Variants in KCNIP1 observed in about 807,000 individuals in gnomAD.
The protein encoded by KCNIP1 is potassium voltage-gated channel interacting protein 1, also known as A-type potassium channel modulatory protein KCNIP1.
In KCNIP1, 18 loss-of-function variants were observed where a neutral mutation model predicts 33.0. The observed-to-expected ratio is 0.55, with a 90% CI of 0.38 to 0.81. The LOEUF is 0.81. KCNIP1 is among the 30% of genes least tolerant of loss of function. The pLI, the probability that KCNIP1 is intolerant of heterozygous loss-of-function variation, is 0.00. For synonymous variants in KCNIP1, 93 were observed against 98.3 expected (o/e 0.95, Z 0.32); for missense variants, 238 against 271.6 (o/e 0.88, Z 0.87).
intron 1 of KCNIP1, among the ~76,000 whole-genome samples, chr5:170,471,244 T>C (rs1421797341): frequency 6.6e-6 from 1 of 152,194 alleles, no homozygotes; most frequent in African/African-American, 2.4e-5. Flanking sequence ...CTCTAGAATC[T>C]GTATGGGGTG....
At chr5:170,639,917 G>A (rs1187786194) in intron 1 of KCNIP1, among the ~76,000 whole-genome samples, 1 of 152,234 alleles carries the variant, frequency 6.6e-6, no homozygotes. Flanking sequence ...AAAAAGTGGT[G>A]CCTAAAGGGC....
At chr5:170,558,583 T>C (rs1756921262) in intron 1 of KCNIP1, among the ~76,000 whole-genome samples, 1 of 152,188 alleles carries the variant, frequency 6.6e-6, no homozygotes, top group Non-Finnish European at 1.5e-5. Flanking sequence ...CTGGGCTCTC[T>C]GGAAGCTGCA....
At chr5:170,450,454 G>A (rs1756222461) in intron 1 of KCNIP1, among the ~76,000 whole-genome samples, 1 of 152,166 alleles carries the variant, frequency 6.6e-6, no homozygotes, top group Non-Finnish European at 1.5e-5. Flanking sequence ...CTCTGTAGGT[G>A]TATCCTGAAA....
In KCNIP1 at chr5:170,672,715, C is replaced by T. The variant is rs139979454; in HGVS notation, c.62-46043C>T. 2.6e-4 allele frequency among the ~76,000 whole-genome samples: 40 copies of T among 152,274 alleles called. No homozygotes were observed. In the East Asian group the frequency reaches 7.0e-3, roughly 26 times the overall value. ...CTAATGGCAAATGCCTCATTGCCAGCCTCTGAAGACAAATGTCTTCCCAGG... is the reference window on the plus strand; with the variant it reads ...CTAATGGCAAATGCCTCATTGCCAGTCTCTGAAGACAAATGTCTTCCCAGG... On this transcript the variant is annotated intron_variant, in intron 1 of 7. Coordinates refer to ENST00000328939, the MANE Select transcript of KCNIP1 (RefSeq NM_014592.4).
intron 1 of KCNIP1, among the ~76,000 whole-genome samples, chr5:170,506,970 G>C (rs973294399): frequency 1.3e-5 from 2 of 152,250 alleles, no homozygotes; most frequent in African/African-American, 4.8e-5. Flanking sequence ...CCCTGGCTGA[G>C]GAGGCTAGTG....
chr5:170,685,727 G>A (rs1762516314), intron 1 of KCNIP1, among the ~76,000 whole-genome samples: 1 of 152,062 alleles, frequency 6.6e-6, no homozygotes, highest in Non-Finnish European at 1.5e-5. Context: ...GACCTCAGGT[G>A]ATCCACCCAC....
intron 1 of KCNIP1, among the ~76,000 whole-genome samples, chr5:170,695,631 T>A (rs906304616): frequency 5.3e-5 from 8 of 152,252 alleles, no homozygotes; most frequent in African/African-American, 1.9e-4. Flanking sequence ...TGGGTAAACT[T>A]CTGCTTTGAG....
chr5:170,702,061 A>T (rs1385625901), intron 1 of KCNIP1, among the ~76,000 whole-genome samples: 1 of 152,212 alleles, frequency 6.6e-6, no homozygotes, highest in Non-Finnish European at 1.5e-5. Context: ...TATGGAAATA[A>T]AAATTAAAAA....
At chr5:170,367,353 G>C (rs868357268) in intron 1 of KCNIP1, among the ~76,000 whole-genome samples, 1 of 40,956 alleles carries the variant, frequency 2.4e-5, no homozygotes, top group Non-Finnish European at 5.3e-5. Flanking sequence ...GAAAGAAAAA[G>C]AAAGAAAGAA....
At chr5:170,494,711 T>C (rs1336530588) in intron 1 of KCNIP1, among the ~76,000 whole-genome samples, 4 of 152,196 alleles carry the variant, frequency 2.6e-5, no homozygotes, top group Admixed American at 6.5e-5. Context: ...GGAGGGAGGA[T>C]GACAGGCTCC....
At chr5:170,721,649 C>T (rs2113874045) in intron 3 of KCNIP1, 184 bp from the exon 4 acceptor site, 1 of 1,252,452 alleles carries the variant, frequency 8.0e-7, no homozygotes, top group South Asian at 1.4e-5. Flanking sequence ...TCACTTTTTG[C>T]TAGATCTAAC....
At chr5:170,718,028 A>G (rs1763693406) in intron 1 of KCNIP1, among the ~76,000 whole-genome samples, 1 of 152,222 alleles carries the variant, frequency 6.6e-6, no homozygotes, top group African/African-American at 2.4e-5. Flanking sequence ...AGATGGGCAG[A>G]TTCCTTGCTT....
intron 1 of KCNIP1, among the ~76,000 whole-genome samples, chr5:170,513,230 G>A (rs1755006377): frequency 6.6e-6 from 1 of 152,166 alleles, no homozygotes; most frequent in Non-Finnish European, 1.5e-5. Flanking sequence ...AGAGGCTTTT[G>A]CTAAGACTTC....
chr5:170,387,057 C>T (rs184684024), intron 1 of KCNIP1, among the ~76,000 whole-genome samples: 18 of 152,180 alleles, frequency 1.2e-4, no homozygotes, highest in South Asian at 6.2e-4. Flanking sequence ...CCCATGGTTC[C>T]GCAAGCTGTC....
intron 1 of KCNIP1, among the ~76,000 whole-genome samples, chr5:170,597,820 T>C (rs796632920): frequency 3.5e-5 from 2 of 56,360 alleles, no homozygotes; most frequent in East Asian, 1.6e-3. Context: ...TATATATATA[T>C]ATATATATAT....
At chr5:170,611,425 G>A (rs1192532777) in intron 1 of KCNIP1, among the ~76,000 whole-genome samples, 3 of 152,212 alleles carry the variant, frequency 2.0e-5, no homozygotes, top group South Asian at 2.1e-4. Context: ...ACCACACTAC[G>A]AAGTGCAGCC....
chr5:170,551,916 A>G (rs528053088), intron 1 of KCNIP1, among the ~76,000 whole-genome samples: 126 of 151,068 alleles, frequency 8.3e-4, no homozygotes, highest in Non-Finnish European at 1.6e-3. Context: ...GTGTGTATGT[A>G]TGAGTACACG....
At chr5:170,717,298 T>G (rs566448613) in intron 1 of KCNIP1, among the ~76,000 whole-genome samples, 1 of 152,336 alleles carries the variant, frequency 6.6e-6, no homozygotes, top group Non-Finnish European at 1.5e-5. Flanking sequence ...TACGTAGAAA[T>G]GCTTCAGCGT....
intron 1 of KCNIP1, among the ~76,000 whole-genome samples, chr5:170,465,620 C>T (rs956306788): frequency 2.6e-5 from 4 of 152,110 alleles, no homozygotes; most frequent in Admixed American, 6.6e-5. Flanking sequence ...ACCTTCATCA[C>T]GCACACACAC....
Sources: allele counts gnomAD v4.1 joint callset (sites outside exome capture counted in the v4.1 genomes callset), GRCh38; gene constraint gnomAD v4.1.1; transcripts MANE v1.5; gene names NCBI Gene and HGNC (gene_info 2026-07-23, HGNC 2026-07-21).